Variants in SYT9 observed in about 807,000 individuals in gnomAD.
The protein encoded by SYT9 is synaptotagmin 9, also known as synaptotagmin-9.
A neutral mutation model predicts 48.4 loss-of-function variants in SYT9; 22 were observed. That is an observed-to-expected ratio of 0.45 (90% CI 0.32 to 0.65). The LOEUF (loss-of-function observed/expected upper bound fraction) is 0.65, where lower values mean the gene tolerates loss of function less well. Ranked by LOEUF, SYT9 falls within the 30% of genes least tolerant of loss-of-function variation. SYT9 has a pLI of 0.03. For missense variants in SYT9, 577 were observed against 622.0 expected (o/e 0.93, Z 0.77); for synonymous variants, 265 against 245.0 (o/e 1.08, Z -0.76).
At position 7,468,448 on chromosome 11, in the gene SYT9, G is replaced by T; in HGVS notation, c.*1648G>T. The T allele has an allele frequency of 2.5e-6, 1 of 396,978 alleles. No homozygotes were observed. Among genetic ancestry groups the T allele is most frequent in the Non-Finnish European group, 4.4e-6 (1 of 225,330 alleles). The allele number at this position is 396,978 out of a possible 1,614,324, so 24.6% of individuals were successfully genotyped here. ...AAAGAGAATCCAAGGTTCTGCCTAT[G>T]TCTGATGACATAAGGAAAACTTGGC... On this transcript the variant is annotated 3_prime_UTR_variant, in exon 7 of 7. Coordinates refer to ENST00000318881, the MANE Select transcript of SYT9 (RefSeq NM_175733.4).
intron 3 of SYT9, among the ~76,000 whole-genome samples, chr11:7,355,531 C>G (rs932868274): frequency 6.6e-6 from 1 of 152,218 alleles, no homozygotes; most frequent in African/African-American, 2.4e-5. Context: ...CTAGAAGGAA[C>G]AAAAGCATGT....
intron 3 of SYT9, among the ~76,000 whole-genome samples, chr11:7,335,564 G>T (rs1056289823): frequency 6.6e-6 from 1 of 152,120 alleles, no homozygotes; most frequent in African/African-American, 2.4e-5. Context: ...AGAACATGTG[G>T]TATTTGGTTT....
chr11:7,404,466 C>A (rs1006857201), intron 3 of SYT9, among the ~76,000 whole-genome samples: 2 of 151,912 alleles, frequency 1.3e-5, no homozygotes, highest in South Asian at 4.2e-4. Flanking sequence ...AGCTATAACT[C>A]CTTGTTTTAT....
At chr11:7,264,693 C>G (rs1320184878) in intron 1 of SYT9, among the ~76,000 whole-genome samples, 3 of 151,932 alleles carry the variant, frequency 2.0e-5, no homozygotes, top group Non-Finnish European at 4.4e-5. Context: ...TGACCACGTC[C>G]AGGACATGAT....
chr11:7,353,475 A>G (rs1444082399), intron 3 of SYT9, among the ~76,000 whole-genome samples: 2 of 152,170 alleles, frequency 1.3e-5, no homozygotes, highest in African/African-American at 2.4e-5. Context: ...TAGCACCTAG[A>G]TGGCAGATTT....
At chr11:7,251,130 A>C (rs1018458835), upstream of SYT9, among the ~76,000 whole-genome samples, 1 of 127,330 alleles carries the variant, frequency 7.9e-6, no homozygotes, top group South Asian at 3.2e-4. Context: ...ACACACACAC[A>C]CACCCAGAGT....
intron 3 of SYT9, among the ~76,000 whole-genome samples, chr11:7,349,179 A>C (rs1195126324): frequency 6.6e-6 from 1 of 151,816 alleles, no homozygotes; most frequent in Non-Finnish European, 1.5e-5. Context: ...GAACTCCACG[A>C]GCATTGCCGG....
chr11:7,253,034 T>C (rs1226225114), intron 1 of SYT9, among the ~76,000 whole-genome samples: 1 of 152,246 alleles, frequency 6.6e-6, no homozygotes, highest in African/African-American at 2.4e-5. Flanking sequence ...TAGTTACTCC[T>C]AGTGAAAGTT....
chr11:7,288,723 C>G (rs1171293864), intron 1 of SYT9, among the ~76,000 whole-genome samples: 3 of 152,002 alleles, frequency 2.0e-5, no homozygotes, highest in Non-Finnish European at 4.4e-5. Context: ...TGATGCTGCT[C>G]CTGTTTTCTT....
chr11:7,335,990 C>T (rs1170690469), intron 3 of SYT9, among the ~76,000 whole-genome samples: 2 of 152,170 alleles, frequency 1.3e-5, no homozygotes. Flanking sequence ...TTCTCCATAA[C>T]CTTGCCAGCG....
chr11:7,292,971 G>T (rs1487874), intron 1 of SYT9, among the ~76,000 whole-genome samples: 38,785 of 152,118 alleles, frequency 0.25, 5,918 homozygotes, highest in South Asian at 0.39. Flanking sequence ...ACAGGGTTAT[G>T]GACACAAGAA....
At chr11:7,321,106 G>A (rs570679138) in intron 3 of SYT9, among the ~76,000 whole-genome samples, 5 of 152,268 alleles carry the variant, frequency 3.3e-5, no homozygotes, top group African/African-American at 1.2e-4. Flanking sequence ...GTTAGACTCT[G>A]ATTTGGAGAA....
At chr11:7,281,403 C>G (rs983285085) in intron 1 of SYT9, among the ~76,000 whole-genome samples, 1 of 152,214 alleles carries the variant, frequency 6.6e-6, no homozygotes, top group African/African-American at 2.4e-5. Flanking sequence ...CATGTTGCAT[C>G]CTACTGATTT....
chr11:7,322,430 T>A (rs1053148378), intron 3 of SYT9, among the ~76,000 whole-genome samples: 1 of 152,218 alleles, frequency 6.6e-6, no homozygotes, highest in Non-Finnish European at 1.5e-5. Context: ...TGGATACCAC[T>A]AGGGTCTACT....
rs1848660014 is a variant in SYT9 at position 7,289,510 on chromosome 11, C to T, written c.146-13529C>T. Among the ~76,000 whole-genome samples, 5 of 152,040 alleles carry T rather than the reference C, an allele frequency of 3.3e-5. 1 individual carries two copies. The South Asian group carries it at 1.0e-3, about 32-fold the overall frequency. ...TATATTTTGCTACAATTTTTAAAAACATGAATAAAAAACTCTACTTGGTTT... is the reference window on the plus strand; with the variant it reads ...TATATTTTGCTACAATTTTTAAAAATATGAATAAAAAACTCTACTTGGTTT... On this transcript the variant is annotated intron_variant, in intron 1 of 6. Transcript: ENST00000318881.
At chr11:7,288,230 G>A (rs1589916296) in intron 1 of SYT9, among the ~76,000 whole-genome samples, 2 of 151,888 alleles carry the variant, frequency 1.3e-5, no homozygotes, top group Admixed American at 1.3e-4. Flanking sequence ...GGGTTTGAAA[G>A]GGACTATGTA....
At chr11:7,454,219 C>T (rs1009907197) in intron 6 of SYT9, 25 of 985,244 alleles carry the variant, frequency 2.5e-5, no homozygotes, top group Admixed American at 6.1e-5. Context: ...CCCTGAGTCC[C>T]CACCCTTTCT....
At chr11:7,280,597 T>C (rs1848475734) in intron 1 of SYT9, among the ~76,000 whole-genome samples, 1 of 152,122 alleles carries the variant, frequency 6.6e-6, no homozygotes, top group South Asian at 2.1e-4. Context: ...AAATAAAACC[T>C]TGGTTTGTGG....
chr11:7,374,130 T>G (rs1589980676), intron 3 of SYT9, among the ~76,000 whole-genome samples: 1 of 152,090 alleles, frequency 6.6e-6, no homozygotes, highest in African/African-American at 2.4e-5. Context: ...GCCCATATGT[T>G]CTCATTGTTC....
Sources: allele counts gnomAD v4.1 joint callset (sites outside exome capture counted in the v4.1 genomes callset), GRCh38; gene constraint gnomAD v4.1.1; transcripts MANE v1.5; gene names NCBI Gene and HGNC (gene_info 2026-07-23, HGNC 2026-07-21).